Variants in RALYL observed in about 807,000 individuals in gnomAD.
RALYL encodes the protein RALY RNA binding protein like.
A neutral mutation model predicts 35.1 loss-of-function variants in RALYL; 29 were observed. That is an observed-to-expected ratio of 0.83 (90% CI 0.61 to 1.13). RALYL has a LOEUF of 1.13. Among genes scored for constraint, RALYL ranks in the 50% most tolerant of loss-of-function variants. RALYL has a pLI of 0.00. For missense variants in RALYL, 359 were observed against 360.4 expected (o/e 1.00, Z 0.03); for synonymous variants, 120 against 127.6 (o/e 0.94, Z 0.40).
chr8:84,743,492 A>G (rs1379163545), intron 2 of RALYL, among the ~76,000 whole-genome samples: 1 of 152,050 alleles, frequency 6.6e-6, no homozygotes, highest in Non-Finnish European at 1.5e-5. Flanking sequence ...TCAACATTTG[A>G]AAACATATTG....
Position 84,325,113 on chromosome 8 carries a change from A to G in RALYL, c.-24+140689A>G, listed in dbSNP as rs562433236. ...TAAAGTTTCCTATGTCCACAATTCT[A>G]TGAAACTTTTCAGTGGAGGTCACCA... On this transcript the variant is annotated intron_variant, in intron 1 of 8. Coordinates refer to ENST00000521268, the MANE Select transcript of RALYL (RefSeq NM_173848.7). Among the ~76,000 whole-genome samples, 5 of 152,270 alleles carry G rather than the reference A, an allele frequency of 3.3e-5. No individual in the cohort carries two copies. In the East Asian group the frequency reaches 9.7e-4, roughly 29 times the overall value.
At chr8:84,567,241 G>C (rs967316473) in intron 2 of RALYL, among the ~76,000 whole-genome samples, 4 of 151,842 alleles carry the variant, frequency 2.6e-5, no homozygotes, top group African/African-American at 9.6e-5. Flanking sequence ...ATTTTAGACA[G>C]CATGTCTAAA....
intron 2 of RALYL, among the ~76,000 whole-genome samples, chr8:84,590,918 G>A (rs547291280): frequency 1.1e-4 from 17 of 151,148 alleles, no homozygotes; most frequent in Non-Finnish European, 2.1e-4. Context: ...TTTATATTTC[G>A]TCTTATTAAT....
chr8:84,420,149 T>G (rs1359406506), intron 1 of RALYL, among the ~76,000 whole-genome samples: 4 of 151,872 alleles, frequency 2.6e-5, no homozygotes, highest in Admixed American at 2.0e-4. Flanking sequence ...TGAACTAGTT[T>G]ACAGTCCCAG....
At chr8:84,542,934 G>T (rs1047426273) in intron 2 of RALYL, among the ~76,000 whole-genome samples, 1 of 152,024 alleles carries the variant, frequency 6.6e-6, no homozygotes, top group Non-Finnish European at 1.5e-5. Flanking sequence ...TAGTTTAAAA[G>T]CTCTCCTAAT....
chr8:84,375,417 A>G (rs1018939732), intron 1 of RALYL, among the ~76,000 whole-genome samples: 1 of 151,766 alleles, frequency 6.6e-6, no homozygotes, highest in African/African-American at 2.4e-5. Flanking sequence ...TTTGCTTTTT[A>G]CAGTCTGAGA....
At chr8:84,198,405 T>C (rs1461921316) in intron 1 of RALYL, among the ~76,000 whole-genome samples, 1 of 152,194 alleles carries the variant, frequency 6.6e-6, no homozygotes, top group Non-Finnish European at 1.5e-5. Flanking sequence ...GTGTATCTAT[T>C]TATGAGGTCC....
intron 1 of RALYL, among the ~76,000 whole-genome samples, chr8:84,347,691 TA>T (rs1850093879): frequency 6.6e-6 from 1 of 152,128 alleles, no homozygotes; most frequent in African/African-American, 2.4e-5. Context: ...CAAAATAAAA[TA>T]TGCATAAACT....
intron 1 of RALYL, among the ~76,000 whole-genome samples, chr8:84,335,232 T>C (rs767707625): frequency 2.0e-5 from 3 of 152,168 alleles, no homozygotes; most frequent in Non-Finnish European, 4.4e-5. Flanking sequence ...CTCTCTCCTC[T>C]TGCTGGCCTC....
chr8:84,192,661 A>C (rs1814203095), intron 1 of RALYL, among the ~76,000 whole-genome samples: 1 of 151,890 alleles, frequency 6.6e-6, no homozygotes, highest in African/African-American at 2.4e-5. Flanking sequence ...ATGTTCAAGC[A>C]ATTCCCCTTC....
intron 1 of RALYL, among the ~76,000 whole-genome samples, chr8:84,469,980 G>A (rs2052467365): frequency 6.6e-6 from 1 of 152,160 alleles, no homozygotes; most frequent in Admixed American, 6.5e-5. Flanking sequence ...GTGAGGCAAT[G>A]CCTCGCCCTG....
intron 7 of RALYL, among the ~76,000 whole-genome samples, chr8:84,886,893 A>G (rs962439566): frequency 6.6e-6 from 1 of 152,188 alleles, no homozygotes; most frequent in East Asian, 1.9e-4. Context: ...TCCTTATTGC[A>G]TGGATGAGAA....
At chr8:84,482,611 A>G (rs965299570) in intron 1 of RALYL, among the ~76,000 whole-genome samples, 9 of 152,106 alleles carry the variant, frequency 5.9e-5, no homozygotes, top group Non-Finnish European at 1.2e-4. Flanking sequence ...TCATGAAAAC[A>G]GAACACAGAT....
chr8:84,306,056 C>A (rs771877922), intron 1 of RALYL, among the ~76,000 whole-genome samples: 2 of 151,284 alleles, frequency 1.3e-5, no homozygotes, highest in Non-Finnish European at 2.9e-5. Context: ...CCTAGCTATT[C>A]GGGAGGCTGA....
intron 1 of RALYL, among the ~76,000 whole-genome samples, chr8:84,446,383 C>CA (rs35879139): frequency 0.41 from 61,693 of 150,878 alleles, 12,810 homozygotes; most frequent in South Asian, 0.54. Context: ...ATAGTGGGTG[C>CA]AAAAAAAAGG....
intron 2 of RALYL, among the ~76,000 whole-genome samples, chr8:84,639,959 G>T (rs1825968018): frequency 6.6e-6 from 1 of 151,954 alleles, no homozygotes; most frequent in Non-Finnish European, 1.5e-5. Flanking sequence ...GAAATTAGCT[G>T]TCCAAAACAC....
At chr8:84,227,154 G>T (rs535866640) in intron 1 of RALYL, among the ~76,000 whole-genome samples, 2 of 137,252 alleles carry the variant, frequency 1.5e-5, no homozygotes, top group African/African-American at 5.5e-5. Context: ...TCCATCTCCC[G>T]GGTTCAAACG....
intron 1 of RALYL, chr8:84,185,164 A>T: frequency 1.3e-6 from 1 of 791,476 alleles, no homozygotes. Context: ...AGTTTCTTAT[A>T]AGATGATCAC....
intron 1 of RALYL, among the ~76,000 whole-genome samples, chr8:84,444,254 A>C (rs2048634976): frequency 6.6e-6 from 1 of 152,058 alleles, no homozygotes; most frequent in Admixed American, 6.6e-5. Context: ...CCTTGAGTCC[A>C]GGAGTTTGAG....
Sources: allele counts gnomAD v4.1 joint callset (sites outside exome capture counted in the v4.1 genomes callset), GRCh38; gene constraint gnomAD v4.1.1; transcripts MANE v1.5; gene names NCBI Gene and HGNC (gene_info 2026-07-23, HGNC 2026-07-21).